The following DDAH1 variants were observed in gnomAD, a reference collection of about 807,000 sequenced individuals.
DDAH1 encodes the protein N(G),N(G)-dimethylarginine dimethylaminohydrolase 1.
In DDAH1, 19 loss-of-function variants were observed where a neutral mutation model predicts 28.8. The observed-to-expected ratio is 0.66, with a 90% CI of 0.46 to 0.97. DDAH1 has a LOEUF of 0.97. Ranked by LOEUF, DDAH1 falls within the 50% of genes least tolerant of loss-of-function variation. DDAH1 has a pLI of 0.00. For missense variants in DDAH1, 326 were observed against 375.9 expected, an observed-to-expected ratio of 0.87 and a Z score of 1.10; for synonymous variants, 153 against 154.4, an observed-to-expected ratio of 0.99 and a Z score of 0.07.
chr1:85,550,752 C>A (rs577662560), intron 1 of DDAH1, among the ~76,000 whole-genome samples: 176 of 152,168 alleles, frequency 1.2e-3, no homozygotes, highest in African/African-American at 4.2e-3. Flanking sequence ...ATAAAAAACA[C>A]ACACACACAC....
chr1:85,461,216 T>G (rs1423930445), intron 1 of DDAH1, among the ~76,000 whole-genome samples: 1 of 142,030 alleles, frequency 7.0e-6, no homozygotes, highest in African/African-American at 2.5e-5. Flanking sequence ...TTTAAAGTAT[T>G]AAACATAAAA....
chr1:85,402,669 G>C (rs1207980064), intron 1 of DDAH1, among the ~76,000 whole-genome samples: 1 of 152,066 alleles, frequency 6.6e-6, no homozygotes, highest in Non-Finnish European at 1.5e-5. Flanking sequence ...CCAGCACTTT[G>C]GGAGGCCGAG....
chr1:85,459,460 T>C (rs889533618), intron 1 of DDAH1, among the ~76,000 whole-genome samples: 4 of 152,232 alleles, frequency 2.6e-5, no homozygotes, highest in African/African-American at 7.2e-5. Flanking sequence ...CTGGGACACA[T>C]CAATTTCCAA....
intron 4 of DDAH1, among the ~76,000 whole-genome samples, chr1:85,342,886 G>A (rs1398903599): frequency 6.6e-6 from 1 of 152,152 alleles, no homozygotes; most frequent in Admixed American, 6.5e-5. Context: ...CAGAATATCA[G>A]AATTTTCTGA....
chr1:85,516,068 C>G (rs1239051592), intron 1 of DDAH1, among the ~76,000 whole-genome samples: 1 of 151,726 alleles, frequency 6.6e-6, no homozygotes. Flanking sequence ...CTAAGCGCAA[C>G]AGTCATAGTG....
chr1:85,513,646 A>T (rs1477432798), intron 1 of DDAH1, among the ~76,000 whole-genome samples: 2 of 152,226 alleles, frequency 1.3e-5, no homozygotes, highest in Admixed American at 6.5e-5. Context: ...AACTCAAACA[A>T]ATTTACAAGA....
rs148775333 is a variant in DDAH1, at chr1:85,321,276, G to A, written c.*176C>T. The A allele has an allele frequency of 4.1e-4, 227 of 557,302 alleles. 1 individual carries two copies. The Middle Eastern group carries it at 7.6e-3, about 19-fold the overall frequency. The allele number at this position is 557,302 out of a possible 1,614,324, so 34.5% of individuals were successfully genotyped here. On this transcript the variant is annotated 3_prime_UTR_variant, in exon 6 of 6. Coordinates refer to ENST00000284031, the MANE Select transcript of DDAH1 (RefSeq NM_012137.4). ...AAATCCACAGCTTAGGTACCACCTC[G>A]AGGGGAGGGAGGGTGGGGGTGTTGA...
intron 1 of DDAH1, among the ~76,000 whole-genome samples, chr1:85,530,975 A>C (rs1433875080): frequency 8.0e-6 from 1 of 125,246 alleles, no homozygotes; most frequent in Admixed American, 9.1e-5. Flanking sequence ...TGGGTGATAG[A>C]GTGAGACTCT....
intron 1 of DDAH1, among the ~76,000 whole-genome samples, chr1:85,421,727 T>C (rs1167563749): frequency 1.3e-5 from 2 of 152,228 alleles, no homozygotes; most frequent in Non-Finnish European, 2.9e-5. Context: ...TGCTTTCATT[T>C]AGCAATATGC....
chr1:85,429,747 G>C (rs1189370575), intron 1 of DDAH1, among the ~76,000 whole-genome samples: 1 of 152,070 alleles, frequency 6.6e-6, no homozygotes, highest in East Asian at 1.9e-4. Context: ...GTTTTGATTT[G>C]CATTTCTCTA....
At chr1:85,378,221 C>T (rs1445851472) in intron 1 of DDAH1, among the ~76,000 whole-genome samples, 2 of 152,118 alleles carry the variant, frequency 1.3e-5, no homozygotes, top group Non-Finnish European at 2.9e-5. Context: ...TTTGTATCTC[C>T]TCCTCCTCAT....
At chr1:85,510,172 A>G (rs1246398435) in intron 1 of DDAH1, among the ~76,000 whole-genome samples, 1 of 152,222 alleles carries the variant, frequency 6.6e-6, no homozygotes, top group African/African-American at 2.4e-5. Context: ...CCCACAAGCC[A>G]GAAGAAAGTG....
chr1:85,399,014 G>A (rs1478500441), intron 1 of DDAH1: 1 of 152,190 alleles, frequency 6.6e-6, no homozygotes, highest in African/African-American at 2.4e-5. Flanking sequence ...TTCCTGGAAT[G>A]CTATATGATA....
At chr1:85,368,430 T>C (rs1248893457) in intron 1 of DDAH1, among the ~76,000 whole-genome samples, 1 of 152,136 alleles carries the variant, frequency 6.6e-6, no homozygotes, top group African/African-American at 2.4e-5. Context: ...GGTCCCTCCA[T>C]AACGATGTCA....
chr1:85,549,904 C>A (rs1658735627), intron 1 of DDAH1, among the ~76,000 whole-genome samples: 1 of 152,134 alleles, frequency 6.6e-6, no homozygotes, highest in Non-Finnish European at 1.5e-5. Context: ...AACACTTCGA[C>A]TGGGGATCCA....
intron 4 of DDAH1, among the ~76,000 whole-genome samples, chr1:85,333,858 T>C (rs996492693): frequency 1.3e-5 from 2 of 152,168 alleles, no homozygotes. Context: ...TTTAATGGCA[T>C]AGAAAAACAA....
intron 1 of DDAH1, among the ~76,000 whole-genome samples, chr1:85,380,156 C>T (rs536362245): frequency 6.6e-5 from 10 of 152,272 alleles, no homozygotes; most frequent in Non-Finnish European, 1.2e-4. Context: ...ATTATTCTTC[C>T]TATTTAACAG....
intron 1 of DDAH1, among the ~76,000 whole-genome samples, chr1:85,526,808 C>T (rs1256052792): frequency 3.4e-5 from 5 of 147,334 alleles, no homozygotes; most frequent in African/African-American, 1.0e-4. Flanking sequence ...TGTTTGATAT[C>T]GATTTTCCCT....
chr1:85,569,819 A>G (rs1659401588), intron 1 of DDAH1, among the ~76,000 whole-genome samples: 1 of 152,208 alleles, frequency 6.6e-6, no homozygotes, highest in Admixed American at 6.5e-5. Context: ...TGATAACAAG[A>G]AATGAATCCA....
Sources: gnomAD v4.1 joint callset for allele counts (sites outside exome capture counted in the v4.1 genomes callset) on GRCh38, gnomAD v4.1.1 for gene constraint, MANE v1.5 for transcripts, NCBI Gene and HGNC (gene_info 2026-07-23, HGNC 2026-07-21) for gene names.